Variants in DCT observed in about 807,000 individuals in gnomAD.
DCT encodes dopachrome tautomerase.
DCT carries 47 observed loss-of-function variants against 53.0 expected under a neutral mutation model. The observed-to-expected ratio is 0.89, with a 90% confidence interval of 0.70 to 1.13. The LOEUF (loss-of-function observed/expected upper bound fraction) is 1.13, where lower values mean the gene tolerates loss of function less well. DCT is among the 50% of genes most tolerant of loss of function. The probability of loss-of-function intolerance (pLI) is 0.00; values close to 1 mark genes in which losing one functional copy is unlikely to be tolerated. For synonymous variants in DCT, 244 were observed against 237.0 expected, an observed-to-expected ratio of 1.03 and a Z score of -0.27; for missense variants, 669 against 637.4, an observed-to-expected ratio of 1.05 and a Z score of -0.53.
the DCT span, among the ~76,000 whole-genome samples, chr13:94,494,000 A>G: frequency 6.6e-6 from 1 of 152,200 alleles, no homozygotes; most frequent in African/African-American, 2.4e-5. Flanking sequence ...AAACTGCTCT[A>G]AAGAATAAAG....
intron 1 of DCT, among the ~76,000 whole-genome samples, chr13:94,471,409 T>C (rs1884637888): frequency 6.6e-6 from 1 of 152,182 alleles, no homozygotes; most frequent in African/African-American, 2.4e-5. Flanking sequence ...AAGGAAAAAT[T>C]CTACTCTTCC....
chr13:94,451,939 G>A (rs907365420), intron 6 of DCT, among the ~76,000 whole-genome samples: 1 of 151,130 alleles, frequency 6.6e-6, no homozygotes, highest in South Asian at 2.1e-4. Context: ...TCTTTTTCCA[G>A]AAGTCATGAT....
chr13:94,471,107 G>C (rs1181029212), intron 1 of DCT, among the ~76,000 whole-genome samples: 1 of 152,182 alleles, frequency 6.6e-6, no homozygotes, highest in South Asian at 2.1e-4. Context: ...CCATAGGGGA[G>C]GGGGAGTTAT....
the DCT span, among the ~76,000 whole-genome samples, chr13:94,503,698 C>G: frequency 6.6e-6 from 1 of 152,326 alleles, no homozygotes; most frequent in African/African-American, 2.4e-5. Flanking sequence ...CCTAGAACCT[C>G]TGGGGATAGC....
the DCT span, among the ~76,000 whole-genome samples, chr13:94,507,649 C>A: frequency 6.6e-6 from 1 of 152,050 alleles, no homozygotes; most frequent in South Asian, 2.1e-4. Context: ...TATAAGCGCC[C>A]ACCACCATGC....
intron 1 of DCT, among the ~76,000 whole-genome samples, chr13:94,473,033 A>T (rs558370086): frequency 6.6e-6 from 1 of 152,268 alleles, no homozygotes; most frequent in East Asian, 1.9e-4. Context: ...CTGTATCTGA[A>T]GGGCCTAGTT....
At chr13:94,472,455 A>G (rs995629548) in intron 1 of DCT, among the ~76,000 whole-genome samples, 5 of 146,404 alleles carry the variant, frequency 3.4e-5, no homozygotes, top group African/African-American at 1.3e-4. Flanking sequence ...ATAAAAAACA[A>G]GCACATTAAT....
At chr13:94,477,441 G>T (rs1885162958) in intron 1 of DCT, among the ~76,000 whole-genome samples, 1 of 145,236 alleles carries the variant, frequency 6.9e-6, no homozygotes, top group Non-Finnish European at 1.5e-5. Context: ...TAATGTCTGG[G>T]CACTCATGGA....
chr13:94,466,836 G>C (rs1884257137), intron 2 of DCT, 178 bp from the exon 3 acceptor site: 3 of 392,348 alleles, frequency 7.6e-6, no homozygotes, highest in Non-Finnish European at 1.4e-5. Context: ...AATTTCAGAA[G>C]TAACTAGTAC....
the DCT span, among the ~76,000 whole-genome samples, chr13:94,506,340 C>T: frequency 6.6e-6 from 1 of 152,210 alleles, no homozygotes; most frequent in Admixed American, 6.5e-5. Context: ...AAAAGCAGAG[C>T]CTGAAACATT....
chr13:94,459,258 C>T (rs1883619907), intron 6 of DCT, among the ~76,000 whole-genome samples: 1 of 152,176 alleles, frequency 6.6e-6, no homozygotes, highest in Non-Finnish European at 1.5e-5. Context: ...ATTTAAATAA[C>T]TGTGAGGCTC....
intron 5 of DCT, 90 bp from the exon 6 acceptor site, chr13:94,460,316 T>C (rs1883700020): frequency 8.0e-7 from 1 of 1,254,432 alleles, no homozygotes; most frequent in African/African-American, 1.5e-5. Context: ...AGTTGTCTAA[T>C]TTGAGATTGG....
intron 6 of DCT, among the ~76,000 whole-genome samples, chr13:94,447,392 G>T (rs1358513328): frequency 6.6e-6 from 1 of 152,200 alleles, no homozygotes; most frequent in Non-Finnish European, 1.5e-5. Context: ...GATAGGGTTT[G>T]CACTCTTATG....
intron 1 of DCT, among the ~76,000 whole-genome samples, chr13:94,476,809 T>G (rs957901624): frequency 2.0e-5 from 3 of 152,152 alleles, no homozygotes; most frequent in Non-Finnish European, 2.9e-5. Context: ...TCTAGAAGTA[T>G]TTTGGGGTTT....
At chr13:94,546,936 C>T in the DCT span, among the ~76,000 whole-genome samples, 1 of 152,058 alleles carries the variant, frequency 6.6e-6, no homozygotes, top group Non-Finnish European at 1.5e-5. This position sits in a 1 kb window ranked among gnomAD's most constrained non-coding sequence, Gnocchi z 4.2. Flanking sequence ...CTCCCAAGCA[C>T]TAGCAGGCCA....
chr13:94,458,464 C>T (rs1883550000), intron 6 of DCT, among the ~76,000 whole-genome samples: 1 of 152,038 alleles, frequency 6.6e-6, no homozygotes, highest in African/African-American at 2.4e-5. Context: ...CTCGTATTTC[C>T]CCATTTTGTT....
chr13:94,548,378 C>T, the DCT span, among the ~76,000 whole-genome samples: 2 of 151,858 alleles, frequency 1.3e-5, no homozygotes, highest in Non-Finnish European at 2.9e-5. Flanking sequence ...GTTTCCCTTC[C>T]CCCTCAAAAC....
chr13:94,472,796 G>C (rs934447238), intron 1 of DCT, among the ~76,000 whole-genome samples: 5 of 151,638 alleles, frequency 3.3e-5, no homozygotes, highest in South Asian at 2.1e-4. Flanking sequence ...TGGGCAGGCT[G>C]ATCTTGAACT....
At chr13:94,521,308 A>G in the DCT span, among the ~76,000 whole-genome samples, 3 of 152,228 alleles carry the variant, frequency 2.0e-5, no homozygotes, top group Non-Finnish European at 2.9e-5. Flanking sequence ...GTTAGTTACT[A>G]TTATTGTCAA....
Sources: allele counts gnomAD v4.1 joint callset (sites outside exome capture counted in the v4.1 genomes callset), GRCh38; gene constraint gnomAD v4.1.1; non-coding constraint Gnocchi (gnomAD v3.1); transcripts MANE v1.5; gene names NCBI Gene and HGNC (gene_info 2026-07-23, HGNC 2026-07-21).